CACNA1C: variants seen among roughly 807,000 people sequenced by gnomAD.
CACNA1C encodes the protein calcium voltage-gated channel subunit alpha1 C.
Under a neutral mutation model 229.0 loss-of-function variants are expected in CACNA1C, and 30 were observed. That is an observed-to-expected ratio of 0.13 (90% confidence interval 0.10 to 0.18). CACNA1C has a LOEUF of 0.18. Ranked by LOEUF, CACNA1C falls within the 10% of genes least tolerant of loss-of-function variation. The pLI, the probability that CACNA1C is intolerant of heterozygous loss-of-function variation, is 1.00. For synonymous variants in CACNA1C, 1,114 were observed against 1,132.5 expected (o/e 0.98, Z 0.33); for missense variants, 1,658 against 2,845.0 (o/e 0.58, Z 9.49).
intron 1 of CACNA1C, among the ~76,000 whole-genome samples, chr12:2,000,973 G>T (rs1477536154): frequency 6.6e-6 from 1 of 151,784 alleles, no homozygotes; most frequent in African/African-American, 2.4e-5. Context: ...GGAGGCAGAG[G>T]TTGCAGTGAG....
At chr12:2,271,819 C>T (rs764051066) in intron 3 of CACNA1C, among the ~76,000 whole-genome samples, 1 of 151,954 alleles carries the variant, frequency 6.6e-6, no homozygotes, top group African/African-American at 2.4e-5. Context: ...TTGCCTGGGC[C>T]CAGGAGTTTG....
Position 2,088,868 on chromosome 12 carries a change from C to T in CACNA1C, c.50-26356C>T, listed in dbSNP as rs141406341. 1.8e-3 allele frequency among the ~76,000 whole-genome samples: 276 copies of T among 152,216 alleles called. 2 individuals carry two copies. The highest frequency in any genetic ancestry group is 0.013 in the South Asian group (63 of 4,806). On this transcript the variant is annotated intron_variant, in intron 1 of 46. Transcript: ENST00000399655. ...GACTGGTTACTATATGTCACTGCAG[C>T]GTGGAGGGAATATCAGAGGACTCCA...
In CACNA1C at chr12:2,067,464, GT is replaced by G. The variant is rs2059718456; in HGVS notation, c.49+13854del. ...CTAGGATGCACGTGTGTGTGTGTGTGTGTGTGTGTGTGTGTGTGCGCGCGTG... is the reference window on the plus strand; with the variant it reads ...CTAGGATGCACGTGTGTGTGTGTGTGGTGTGTGTGTGTGTGTGCGCGCGTG... On this transcript the variant is annotated intron_variant, in intron 1 of 46. Coordinates refer to ENST00000399655, the MANE Select transcript of CACNA1C (RefSeq NM_000719.7). This position sits in a 1 kb window ranked among gnomAD's most constrained non-coding sequence, Gnocchi z 5.3. Among the ~76,000 whole-genome samples the G allele has an allele frequency of 8.5e-6, 1 of 116,966 alleles. No homozygotes were observed. The allele number at this position is 116,966 out of a possible 152,430, so 76.7% of individuals were successfully genotyped here.
At chr12:2,680,401 C>A in intron 42 of CACNA1C, 1 of 1,560,532 alleles carries the variant, frequency 6.4e-7, no homozygotes, top group Non-Finnish European at 8.7e-7. Flanking sequence ...GGGACCTTCC[C>A]TCCCGCCCTG....
Position 1,994,717 on chromosome 12 carries a change from G to C in CACNA1C, c.139+23516G>C, listed in dbSNP as rs185127516. On this transcript the variant is annotated intron_variant, in intron 1 of 46. Transcript: ENST00000682462. ...AATGGGATTAAGTGTTTTCATACAA[G>C]AATGAGAATTTGATTCTGCATGTAT... 2.4e-3 allele frequency among the ~76,000 whole-genome samples: 365 copies of C among 152,330 alleles called. 2 individuals are homozygous for C. The highest frequency in any genetic ancestry group is 8.5e-3 in the African/African-American group (355 of 41,580).
intron 3 of CACNA1C, among the ~76,000 whole-genome samples, chr12:2,169,612 C>A (rs1439178589): frequency 1.3e-5 from 2 of 152,130 alleles, no homozygotes; most frequent in East Asian, 3.9e-4. Flanking sequence ...GCAGAAATAC[C>A]AGAAAGTGGA....
chr12:2,126,132 A>T (rs896810619), intron 3 of CACNA1C, among the ~76,000 whole-genome samples: 11 of 150,330 alleles, frequency 7.3e-5, no homozygotes, highest in African/African-American at 1.2e-4. Context: ...TTTTTTTTTT[A>T]AAAGATCTCT....
chr12:2,125,454 G>A (rs998969648), intron 3 of CACNA1C, among the ~76,000 whole-genome samples: 6 of 152,034 alleles, frequency 3.9e-5, no homozygotes, highest in Admixed American at 3.9e-4. Context: ...TATGTACCCC[G>A]AAAATGAAGC....
chr12:2,181,089 CT>C lies in CACNA1C; in HGVS notation c.477+60660del, dbSNP rs1327997951. ...ACATATCAGACTCAAATGTTTTCTT[CT>C]GGGGGGTTACAGTCTGGGGAAGACC... is the stretch of plus-strand genomic sequence containing the variant. On this transcript the variant is annotated intron_variant, in intron 3 of 46. Coordinates refer to ENST00000399655, the MANE Select transcript of CACNA1C (RefSeq NM_000719.7). This position sits in a 1 kb window ranked among gnomAD's most constrained non-coding sequence, Gnocchi z 4.0. 6.6e-6 allele frequency among the ~76,000 whole-genome samples: 1 copy of C among 152,124 alleles called. No individual in the cohort carries two copies. The highest frequency in any genetic ancestry group is 2.4e-5 in the African/African-American group (1 of 41,418).
chr12:2,124,077 T>G (rs553499892), intron 3 of CACNA1C, among the ~76,000 whole-genome samples: 1 of 151,544 alleles, frequency 6.6e-6, no homozygotes, highest in East Asian at 2.0e-4. Context: ...CCTGCTGTCC[T>G]CCCTCTGGTC....
At chr12:2,155,940 C>T (rs143885374) in intron 3 of CACNA1C, among the ~76,000 whole-genome samples, 165 of 152,266 alleles carry the variant, frequency 1.1e-3, no homozygotes, top group Non-Finnish European at 1.9e-3. Flanking sequence ...TCCCCAATGA[C>T]TCTAATTTTT....
chr12:2,186,492 CT>C (rs1338152871), intron 3 of CACNA1C, among the ~76,000 whole-genome samples: 2 of 152,018 alleles, frequency 1.3e-5, no homozygotes, highest in Non-Finnish European at 2.9e-5. Flanking sequence ...CTTGCCTTCA[CT>C]TTTTTTTATT....
At chr12:2,607,745 G>GT (rs1180941281) in intron 26 of CACNA1C, 2 of 152,398 alleles carry the variant, frequency 1.3e-5, no homozygotes, top group East Asian at 3.9e-4. Flanking sequence ...TCTTTGTATA[G>GT]ATACCTGCTT....
intron 1 of CACNA1C, among the ~76,000 whole-genome samples, chr12:2,036,678 C>G (rs1010534357): frequency 5.9e-5 from 9 of 152,184 alleles, no homozygotes; most frequent in African/African-American, 2.2e-4. Context: ...GTTGGTCAGG[C>G]TGGCCTTGAA....
intron 1 of CACNA1C, among the ~76,000 whole-genome samples, chr12:2,003,504 C>G (rs1385137573): frequency 4.6e-5 from 7 of 152,176 alleles, no homozygotes; most frequent in African/African-American, 1.4e-4. Context: ...GGGTGGGTTA[C>G]AAAATTACAA....
At chr12:2,123,986 T>C (rs2088504127) in intron 3 of CACNA1C, among the ~76,000 whole-genome samples, 1 of 152,156 alleles carries the variant, frequency 6.6e-6, no homozygotes, top group Non-Finnish European at 1.5e-5. Context: ...ATACTATTGT[T>C]ATTATTGTCA....
chr12:2,305,281 A>T (rs1369216684), intron 3 of CACNA1C, among the ~76,000 whole-genome samples: 2 of 152,216 alleles, frequency 1.3e-5, no homozygotes, highest in Non-Finnish European at 2.9e-5. Context: ...TTTCAGTCTC[A>T]TCACTTTACT....
chr12:2,345,371 G>T (rs887232888), intron 3 of CACNA1C, among the ~76,000 whole-genome samples: 2 of 152,046 alleles, frequency 1.3e-5, no homozygotes, highest in African/African-American at 4.8e-5. Flanking sequence ...TGGAAGGAGG[G>T]CCACAAGGTG....
At chr12:2,036,558 C>T (rs757745053) in intron 1 of CACNA1C, among the ~76,000 whole-genome samples, 1 of 151,984 alleles carries the variant, frequency 6.6e-6, no homozygotes. Flanking sequence ...CTCTGCCTCT[C>T]GGGTTCAAGA....
Sources: allele counts gnomAD v4.1 joint callset (sites outside exome capture counted in the v4.1 genomes callset), GRCh38; gene constraint gnomAD v4.1.1; non-coding constraint Gnocchi (gnomAD v3.1); transcripts MANE v1.5; gene names NCBI Gene and HGNC (gene_info 2026-07-23, HGNC 2026-07-21).